EYS: variants seen among roughly 807,000 people sequenced by gnomAD.
The protein encoded by EYS is EGF-like photoreceptor maintenance factor.
A neutral mutation model predicts 282.1 loss-of-function variants in EYS; 250 were observed. That is an observed-to-expected ratio of 0.89 (90% CI 0.80 to 0.98). EYS has a LOEUF of 0.98. EYS is among the 50% of genes least tolerant of loss of function. EYS has a pLI of 0.00. For missense variants in EYS, 4,016 were observed against 3,709.0 expected (o/e 1.08, Z -2.15); for synonymous variants, 1,355 against 1,282.9 (o/e 1.06, Z -1.20).
chr6:64,576,709 T>C (rs181919748), intron 26 of EYS, among the ~76,000 whole-genome samples: 1 of 152,096 alleles, frequency 6.6e-6, no homozygotes, highest in Non-Finnish European at 1.5e-5. Flanking sequence ...TTTAAGAAAA[T>C]TACTAAATTA....
At chr6:64,445,484 G>A (rs117296003) in intron 26 of EYS, among the ~76,000 whole-genome samples, 1 of 151,838 alleles carries the variant, frequency 6.6e-6, no homozygotes, top group Admixed American at 6.6e-5. Flanking sequence ...GTATGCTTTT[G>A]GTACAAATAA....
intron 35 of EYS, among the ~76,000 whole-genome samples, chr6:63,937,345 C>CTTTTTTTTTTTTTTTT (rs778809745): frequency 3.7e-5 from 2 of 54,500 alleles, no homozygotes; most frequent in Non-Finnish European, 3.5e-5. Context: ...TCTCTCTTTT[C>CTTTTTTTTTTTTTTTT]TTTTTTTTTT....
intron 13 of EYS, among the ~76,000 whole-genome samples, chr6:65,030,194 A>T (rs1331574287): frequency 6.6e-6 from 1 of 152,056 alleles, no homozygotes; most frequent in Non-Finnish European, 1.5e-5. Context: ...AATAAGATGG[A>T]TGTGACCTGA....
intron 31 of EYS, among the ~76,000 whole-genome samples, chr6:64,149,123 C>T (rs192028504): frequency 6.6e-5 from 10 of 152,194 alleles, no homozygotes; most frequent in East Asian, 1.9e-4. Context: ...TTTCTAGTGA[C>T]GCTGCTTAGT....
At chr6:64,669,877 A>C (rs1190383157) in intron 22 of EYS, among the ~76,000 whole-genome samples, 2 of 152,206 alleles carry the variant, frequency 1.3e-5, no homozygotes, top group Non-Finnish European at 2.9e-5. Context: ...TATTGACCAA[A>C]AAAGGCCTTA....
intron 35 of EYS, among the ~76,000 whole-genome samples, chr6:63,900,702 C>A (rs993289870): frequency 6.6e-6 from 1 of 152,092 alleles, no homozygotes; most frequent in Non-Finnish European, 1.5e-5. Flanking sequence ...AAATGGAAGG[C>A]TTATTGGCTT....
intron 8 of EYS, among the ~76,000 whole-genome samples, chr6:65,380,577 TA>T (rs1302412852): frequency 1.3e-5 from 2 of 152,082 alleles, no homozygotes; most frequent in African/African-American, 4.8e-5. Context: ...ACTTCATGAC[TA>T]AAACACCAAA....
intron 22 of EYS, among the ~76,000 whole-genome samples, chr6:64,699,250 T>A (rs9360031): frequency 0.74 from 113,114 of 151,918 alleles, 43,418 homozygotes; most frequent in Non-Finnish European, 0.85. Flanking sequence ...ACATGTTCTT[T>A]CTTACAAGTG....
At chr6:64,255,538 G>A (rs1185313383) in intron 30 of EYS, among the ~76,000 whole-genome samples, 1 of 151,900 alleles carries the variant, frequency 6.6e-6, no homozygotes, top group Non-Finnish European at 1.5e-5. Context: ...CTTTAAAAAA[G>A]TTCAAGACAT....
At chr6:65,573,282 G>T (rs1764544916) in intron 2 of EYS, among the ~76,000 whole-genome samples, 1 of 152,136 alleles carries the variant, frequency 6.6e-6, no homozygotes, top group African/African-American at 2.4e-5. Context: ...TCACTGATGA[G>T]ATCAGAATAC....
chr6:65,010,101 G>A (rs972440694), intron 13 of EYS, among the ~76,000 whole-genome samples: 1 of 152,116 alleles, frequency 6.6e-6, no homozygotes, highest in Admixed American at 6.5e-5. Flanking sequence ...TTGTCAATGG[G>A]GCAAGACTTG....
intron 12 of EYS, among the ~76,000 whole-genome samples, chr6:65,088,639 G>T (rs1161168871): frequency 6.6e-6 from 1 of 152,134 alleles, no homozygotes; most frequent in African/African-American, 2.4e-5. Flanking sequence ...AGGTAGAAAA[G>T]AAAAACCCAT....
intron 1 of EYS, among the ~76,000 whole-genome samples, chr6:65,691,737 C>G (rs1324332626): frequency 1.3e-5 from 2 of 150,310 alleles, no homozygotes; most frequent in Non-Finnish European, 3.0e-5. Flanking sequence ...AGTTTTTAAT[C>G]CATCTTGAGT....
intron 22 of EYS, among the ~76,000 whole-genome samples, chr6:64,748,976 T>C (rs1254303213): frequency 1.3e-5 from 2 of 152,180 alleles, no homozygotes; most frequent in Admixed American, 1.3e-4. Context: ...TTTCACCATG[T>C]TGGCCAGGCT....
At position 65,402,610 on chromosome 6, in the gene EYS, GA is replaced by G. The variant is rs1766558318; in HGVS notation, c.1057-6del. ...TGAACAGATGCACATAACATCCTAG[GA>G]AAGATTAAAAAAATATTTTTACAAA... On this transcript the variant is annotated splice_polypyrimidine_tract_variant and splice_region_variant and intron_variant, in intron 6 of 42. Transcript: ENST00000503581. 1.9e-6 allele frequency: 3 copies of G among 1,563,688 alleles called. No individual in the cohort carries two copies. In the African/African-American group the frequency reaches 4.1e-5, roughly 21 times the overall value.
chr6:64,244,177 C>T (rs1411759015), intron 30 of EYS, among the ~76,000 whole-genome samples: 1 of 152,078 alleles, frequency 6.6e-6, no homozygotes, highest in African/African-American at 2.4e-5. Context: ...TACATTTTAT[C>T]TATTTTGAAT....
At chr6:65,533,045 A>G (rs1206885921) in intron 2 of EYS, among the ~76,000 whole-genome samples, 2 of 152,104 alleles carry the variant, frequency 1.3e-5, no homozygotes, top group Non-Finnish European at 2.9e-5. Context: ...AATTAAAAAT[A>G]TGTATAAAAA....
intron 32 of EYS, among the ~76,000 whole-genome samples, chr6:64,068,879 C>T (rs1196943694): frequency 1.3e-5 from 2 of 151,396 alleles, no homozygotes; most frequent in East Asian, 2.0e-4. Flanking sequence ...AGAGACTTTG[C>T]AGATGTGATT....
At chr6:64,906,395 C>T (rs1767828227) in intron 16 of EYS, among the ~76,000 whole-genome samples, 1 of 151,994 alleles carries the variant, frequency 6.6e-6, no homozygotes, top group Admixed American at 6.6e-5. Context: ...AGCTATTAAC[C>T]TTAACAGGTA....
Sources: gnomAD v4.1 joint callset for allele counts (sites outside exome capture counted in the v4.1 genomes callset) on GRCh38, gnomAD v4.1.1 for gene constraint, MANE v1.5 for transcripts, NCBI Gene and HGNC (gene_info 2026-07-23, HGNC 2026-07-21) for gene names.